The following KLHL14 variants were observed in gnomAD, a reference collection of about 807,000 sequenced individuals.
KLHL14 encodes kelch-like protein 14.
KLHL14 carries 22 observed loss-of-function variants against 64.3 expected under a neutral mutation model. That is an observed-to-expected ratio of 0.34 (90% CI 0.24 to 0.49). The LOEUF (loss-of-function observed/expected upper bound fraction) is 0.49. Among genes scored for constraint, KLHL14 ranks in the 20% least tolerant of loss-of-function variants. The probability of loss-of-function intolerance (pLI) is 0.99; values close to 1 mark genes in which losing one functional copy is unlikely to be tolerated. For missense variants in KLHL14, 661 were observed against 789.0 expected (o/e 0.84, Z 1.94); for synonymous variants, 322 against 333.4 (o/e 0.97, Z 0.37).
At chr18:32,676,442 A>G (rs991999504) in intron 8 of KLHL14, among the ~76,000 whole-genome samples, 9 of 152,228 alleles carry the variant, frequency 5.9e-5, no homozygotes, top group Non-Finnish European at 1.2e-4. Context: ...TGAAAAATAC[A>G]TCTTTTTTAA....
chr18:32,762,837 GACAA>G (rs1237476017), intron 2 of KLHL14, among the ~76,000 whole-genome samples: 1 of 152,130 alleles, frequency 6.6e-6, no homozygotes, highest in African/African-American at 2.4e-5. Flanking sequence ...AATGAGAGAA[GACAA>G]ACATTTATGA....
intron 3 of KLHL14, among the ~76,000 whole-genome samples, chr18:32,718,389 T>C (rs953212451): frequency 2.6e-5 from 4 of 152,162 alleles, no homozygotes; most frequent in Non-Finnish European, 5.9e-5. Context: ...CCATCACATT[T>C]GTATGTTGTT....
At chr18:32,750,706 T>G (rs1445481990) in intron 2 of KLHL14, among the ~76,000 whole-genome samples, 1 of 152,184 alleles carries the variant, frequency 6.6e-6, no homozygotes, top group African/African-American at 2.4e-5. Context: ...CTTGCTATAT[T>G]CTATAGTTTC....
chr18:32,759,439 C>A (rs915543190), intron 2 of KLHL14, among the ~76,000 whole-genome samples: 2 of 152,156 alleles, frequency 1.3e-5, no homozygotes, highest in Non-Finnish European at 1.5e-5. Flanking sequence ...TCCAAGCTAT[C>A]AATCATTGAA....
Position 32,769,831 on chromosome 18 carries a change from A to C in KLHL14, c.761T>G (p.Met254Arg). 1 of 1,613,746 alleles carries C rather than the reference A, an allele frequency of 6.2e-7. No homozygotes were observed. The highest frequency in any genetic ancestry group is 8.5e-7 in the Non-Finnish European group (1 of 1,179,984). ...CTTCATGAGGTCAGGCGCATACTGCATGCGGGTCTCGCGGTCGTGCTCCAG... is the reference window on the plus strand; with the variant it reads ...CTTCATGAGGTCAGGCGCATACTGCCTGCGGGTCTCGCGGTCGTGCTCCAG... The part of the protein sequence containing the change: ...LWLEHDRETR[M>R]QYAPDLMKRL... Residue 254 changes from methionine (M) to arginine (R), a missense_variant, in exon 2 of 9, where the codon ATG becomes AGG. Physicochemically the swap from Met to Arg is moderately conservative, Grantham distance 91. Coordinates refer to ENST00000359358, the MANE Select transcript of KLHL14 (RefSeq NM_020805.3).
intron 2 of KLHL14, among the ~76,000 whole-genome samples, chr18:32,751,860 C>T (rs2050254221): frequency 6.6e-6 from 1 of 152,232 alleles, no homozygotes; most frequent in Admixed American, 6.5e-5. Flanking sequence ...AACGTAGTGT[C>T]TCATGCCTGT....
intron 3 of KLHL14, among the ~76,000 whole-genome samples, chr18:32,709,681 T>C (rs2050009453): frequency 6.6e-6 from 1 of 152,182 alleles, no homozygotes; most frequent in Non-Finnish European, 1.5e-5. Context: ...ACTCCTGGCC[T>C]CAAGTGATTT....
intron 8 of KLHL14, among the ~76,000 whole-genome samples, chr18:32,675,090 C>T (rs2049804870): frequency 6.6e-6 from 1 of 152,144 alleles, no homozygotes; most frequent in African/African-American, 2.4e-5. Context: ...CCCAGTGGCT[C>T]ATACCTGTAA....
At chr18:32,764,593 A>G (rs1285353367) in intron 2 of KLHL14, among the ~76,000 whole-genome samples, 3 of 152,174 alleles carry the variant, frequency 2.0e-5, no homozygotes, top group Non-Finnish European at 4.4e-5. Flanking sequence ...ATATTTTTGT[A>G]TAGCCTGAAA....
intron 3 of KLHL14, among the ~76,000 whole-genome samples, chr18:32,712,744 A>C (rs12969622): frequency 0.31 from 47,159 of 151,956 alleles, 7,831 homozygotes; most frequent in African/African-American, 0.42. Context: ...TTTCACTTCA[A>C]CCTGTTCCAG....
chr18:32,758,116 GT>G (rs1330488826), intron 2 of KLHL14, among the ~76,000 whole-genome samples: 11 of 150,484 alleles, frequency 7.3e-5, no homozygotes, highest in East Asian at 1.9e-4. Context: ...TCTTTTTGTT[GT>G]TTTTTTTTGT....
intron 3 of KLHL14, among the ~76,000 whole-genome samples, chr18:32,704,187 T>C (rs1445644775): frequency 6.6e-6 from 1 of 152,198 alleles, no homozygotes; most frequent in African/African-American, 2.4e-5. Context: ...GGGCTATTTA[T>C]AAGGTGGATG....
At chr18:32,741,189 G>A (rs534300500) in intron 3 of KLHL14, among the ~76,000 whole-genome samples, 6 of 152,240 alleles carry the variant, frequency 3.9e-5, no homozygotes, top group East Asian at 3.9e-4. Flanking sequence ...CTGTGCCCAC[G>A]AGGGGACTGG....
intron 2 of KLHL14, among the ~76,000 whole-genome samples, chr18:32,746,276 T>C (rs2050223259): frequency 6.6e-6 from 1 of 152,252 alleles, no homozygotes; most frequent in Non-Finnish European, 1.5e-5. Flanking sequence ...TCCTTGATTC[T>C]TGCATAGAAA....
intron 2 of KLHL14, among the ~76,000 whole-genome samples, chr18:32,754,562 C>T (rs775264773): frequency 3.9e-5 from 6 of 152,184 alleles, no homozygotes; most frequent in Non-Finnish European, 8.8e-5. Context: ...AGGAGTTCAG[C>T]CATTCAAGAT....
At chr18:32,685,042 TA>T (rs376450918) in intron 5 of KLHL14, among the ~76,000 whole-genome samples, 11 of 148,288 alleles carry the variant, frequency 7.4e-5, no homozygotes, top group Non-Finnish European at 1.2e-4. Flanking sequence ...GTTCTAAATC[TA>T]AAAAAAAAAC....
chr18:32,685,843 T>C (rs1049660723), intron 5 of KLHL14, among the ~76,000 whole-genome samples: 1 of 152,168 alleles, frequency 6.6e-6, no homozygotes, highest in Non-Finnish European at 1.5e-5. Context: ...CATTTTTGAA[T>C]AAATGGTATT....
At chr18:32,727,446 CT>C (rs2050113653) in intron 3 of KLHL14, among the ~76,000 whole-genome samples, 2 of 152,138 alleles carry the variant, frequency 1.3e-5, no homozygotes, top group South Asian at 4.1e-4. Flanking sequence ...CATGGATTGT[CT>C]TTGGAATTAC....
intron 2 of KLHL14, among the ~76,000 whole-genome samples, chr18:32,769,380 A>G (rs1443269155): frequency 6.6e-6 from 1 of 152,122 alleles, no homozygotes; most frequent in Non-Finnish European, 1.5e-5. Context: ...TGAGTCCACA[A>G]TTCCCATGTT....
Sources: allele counts gnomAD v4.1 joint callset (sites outside exome capture counted in the v4.1 genomes callset), GRCh38; gene constraint gnomAD v4.1.1; transcripts MANE v1.5; gene names NCBI Gene and HGNC (gene_info 2026-07-23, HGNC 2026-07-21).